Variants in SLC71A2 observed in about 807,000 individuals in gnomAD.
The protein encoded by SLC71A2 is solute carrier family 71 member 2, also known as hippocampus abundant transcript-like 1.
At chr9:94,404,743 T>A in the SLC71A2 span, among the ~76,000 whole-genome samples, 8 of 152,366 alleles carry the variant, frequency 5.3e-5, no homozygotes, top group South Asian at 1.4e-3. Context: ...TATTAATCTC[T>A]TATCAGATAT....
the SLC71A2 span, among the ~76,000 whole-genome samples, chr9:94,378,058 C>T: frequency 3.1e-4 from 47 of 151,328 alleles, no homozygotes; most frequent in Admixed American, 2.7e-3. Flanking sequence ...GAGCTGAGAT[C>T]GTGCCACTGC....
chr9:94,450,087 T>C, the SLC71A2 span, among the ~76,000 whole-genome samples: 4 of 152,224 alleles, frequency 2.6e-5, no homozygotes, highest in African/African-American at 9.6e-5. Context: ...TAATGGCTGC[T>C]ACGTTTCTTT....
the SLC71A2 span, among the ~76,000 whole-genome samples, chr9:94,433,770 A>G: frequency 6.6e-6 from 1 of 152,164 alleles, no homozygotes; most frequent in Non-Finnish European, 1.5e-5. Context: ...TTAGAATCCT[A>G]AAGTAAAAAT....
At chr9:94,382,924 A>C in the SLC71A2 span, among the ~76,000 whole-genome samples, 2 of 152,092 alleles carry the variant, frequency 1.3e-5, 1 homozygote, top group African/African-American at 4.8e-5. Flanking sequence ...CAATCTCCTG[A>C]CCTCGTGATC....
chr9:94,396,203 G>A, the SLC71A2 span, among the ~76,000 whole-genome samples: 112,781 of 142,568 alleles, frequency 0.79, 45,204 homozygotes, highest in East Asian at 1. Context: ...TGAACTCTGC[G>A]TTGGGTTCTA....
At chr9:94,388,289 T>C in the SLC71A2 span, among the ~76,000 whole-genome samples, 1 of 152,232 alleles carries the variant, frequency 6.6e-6, no homozygotes, top group Non-Finnish European at 1.5e-5. Context: ...GGAGTAATCT[T>C]CAGTTCTTAA....
At chr9:94,416,854 CAA>C in the SLC71A2 span, among the ~76,000 whole-genome samples, 502 of 131,864 alleles carry the variant, frequency 3.8e-3, 4 homozygotes, top group African/African-American at 5.7e-3. Flanking sequence ...AACTCCATCT[CAA>C]AAAAAAAAAA....
the SLC71A2 span, among the ~76,000 whole-genome samples, chr9:94,422,959 A>T: frequency 3.8e-5 from 5 of 130,086 alleles, no homozygotes; most frequent in Admixed American, 1.7e-4. Flanking sequence ...TTCTAGATGG[A>T]GTCTTGCTCT....
At chr9:94,421,424 A>G in the SLC71A2 span, among the ~76,000 whole-genome samples, 33 of 152,184 alleles carry the variant, frequency 2.2e-4, no homozygotes, top group African/African-American at 6.5e-4. Flanking sequence ...TGTGTGTTTA[A>G]TATTATATAA....
At chr9:94,455,854 C>T in the SLC71A2 span, among the ~76,000 whole-genome samples, 4 of 152,026 alleles carry the variant, frequency 2.6e-5, no homozygotes, top group Non-Finnish European at 5.9e-5. Context: ...GAAAGTGAGC[C>T]TTCAAGAGGT....
the SLC71A2 span, among the ~76,000 whole-genome samples, chr9:94,409,807 T>C: frequency 6.6e-6 from 1 of 151,698 alleles, no homozygotes; most frequent in Non-Finnish European, 1.5e-5. Context: ...TTCTGTGTGG[T>C]CAAGAACATA....
the SLC71A2 span, chr9:94,453,894 A>C: frequency 8.9e-7 from 1 of 1,119,150 alleles, no homozygotes; most frequent in Non-Finnish European, 1.4e-6. Flanking sequence ...CTTCACACAC[A>C]GAGCTTGTAT....
At chr9:94,384,203 G>A in the SLC71A2 span, among the ~76,000 whole-genome samples, 6 of 151,954 alleles carry the variant, frequency 3.9e-5, no homozygotes, top group African/African-American at 1.5e-4. Context: ...TTGTTTCTAT[G>A]TGTTTGACTT....
the SLC71A2 span, among the ~76,000 whole-genome samples, chr9:94,396,911 C>T: frequency 6.6e-6 from 1 of 152,198 alleles, no homozygotes; most frequent in South Asian, 2.1e-4. Context: ...GCCAGGATTA[C>T]AGGCATGCGC....
chr9:94,377,519 G>A, the SLC71A2 span, among the ~76,000 whole-genome samples: 1 of 138,518 alleles, frequency 7.2e-6, no homozygotes, highest in Non-Finnish European at 1.5e-5. Flanking sequence ...ACAGATATGT[G>A]CCACCATGCC....
chr9:94,385,368 A>G, the SLC71A2 span, among the ~76,000 whole-genome samples: 1 of 152,336 alleles, frequency 6.6e-6, no homozygotes, highest in East Asian at 1.9e-4. Context: ...TTTTAAGTCT[A>G]ATGATAGGTC....
the SLC71A2 span, among the ~76,000 whole-genome samples, chr9:94,425,285 C>G: frequency 6.6e-6 from 1 of 152,222 alleles, no homozygotes; most frequent in South Asian, 2.1e-4. Context: ...GCCTGGGTGA[C>G]AGAGTGAGAC....
chr9:94,448,860 T>C, the SLC71A2 span, among the ~76,000 whole-genome samples: 1 of 152,198 alleles, frequency 6.6e-6, no homozygotes, highest in Admixed American at 6.5e-5. Context: ...CTTGAACTCC[T>C]GGTCTCAAGT....
At chr9:94,417,305 C>T in the SLC71A2 span, among the ~76,000 whole-genome samples, 1 of 152,192 alleles carries the variant, frequency 6.6e-6, no homozygotes, top group East Asian at 1.9e-4. Flanking sequence ...GACCACCATC[C>T]ATCTCTAAAA....
Sources: gnomAD v4.1 joint callset for allele counts (sites outside exome capture counted in the v4.1 genomes callset) on GRCh38, gnomAD v4.1.1 for gene constraint, MANE v1.5 for transcripts, NCBI Gene and HGNC (gene_info 2026-07-23, HGNC 2026-07-21) for gene names.